TENM3: variants seen among roughly 807,000 people sequenced by gnomAD.
The protein encoded by TENM3 is teneurin-3.
TENM3 carries 63 observed loss-of-function variants against 255.1 expected under a neutral mutation model. The ratio of observed to expected loss-of-function variants is 0.25; its 90% confidence interval spans 0.20 to 0.30. TENM3 has a LOEUF of 0.30. Among genes scored for constraint, TENM3 ranks in the 10% least tolerant of loss-of-function variants. TENM3 has a pLI of 1.00. For synonymous variants in TENM3, 1,306 were observed against 1,322.3 expected (o/e 0.99, Z 0.27); for missense variants, 2,929 against 3,461.1 (o/e 0.85, Z 3.86).
the TENM3 span, among the ~76,000 whole-genome samples, chr4:181,633,912 A>G: frequency 1.3e-5 from 2 of 152,164 alleles, no homozygotes; most frequent in Non-Finnish European, 2.9e-5. Flanking sequence ...GCAATATGCC[A>G]TTTTTTATTT....
At chr4:182,225,955 T>A (rs1045517425) in intron 1 of TENM3, among the ~76,000 whole-genome samples, 14 of 152,174 alleles carry the variant, frequency 9.2e-5, no homozygotes, top group African/African-American at 3.4e-4. Flanking sequence ...AATGGAGACC[T>A]TGAAATATCA....
intron 1 of TENM3, among the ~76,000 whole-genome samples, chr4:182,234,429 G>T (rs1012283555): frequency 6.6e-6 from 1 of 152,150 alleles, no homozygotes; most frequent in African/African-American, 2.4e-5. Flanking sequence ...AAATGCTACA[G>T]TTAGAAATAG....
At chr4:181,468,966 G>A in the TENM3 span, among the ~76,000 whole-genome samples, 2 of 152,146 alleles carry the variant, frequency 1.3e-5, no homozygotes, top group Non-Finnish European at 2.9e-5. Flanking sequence ...ATATCAGTTT[G>A]TAAATGTAAG....
At chr4:181,571,887 T>C in the TENM3 span, among the ~76,000 whole-genome samples, 2 of 152,166 alleles carry the variant, frequency 1.3e-5, no homozygotes, top group Non-Finnish European at 2.9e-5. Context: ...TATCTATTAA[T>C]GTCATCTTCT....
At chr4:182,286,089 G>A (rs1760711694) in intron 1 of TENM3, among the ~76,000 whole-genome samples, 1 of 152,110 alleles carries the variant, frequency 6.6e-6, no homozygotes, top group African/African-American at 2.4e-5. Flanking sequence ...CTGGTTGGCA[G>A]CTGGCCTCAC....
At chr4:181,854,879 G>A in the TENM3 span, among the ~76,000 whole-genome samples, 1 of 152,176 alleles carries the variant, frequency 6.6e-6, no homozygotes, top group Non-Finnish European at 1.5e-5. Flanking sequence ...TAATAATAGA[G>A]ACTACAGAGT....
At chr4:182,363,420 T>C (rs1766177838) in intron 3 of TENM3, among the ~76,000 whole-genome samples, 2 of 151,832 alleles carry the variant, frequency 1.3e-5, no homozygotes, top group Admixed American at 1.3e-4. Context: ...TATATGTACA[T>C]ATATACATAT....
At chr4:182,407,970 T>C (rs577943534) in intron 3 of TENM3, among the ~76,000 whole-genome samples, 1 of 152,356 alleles carries the variant, frequency 6.6e-6, no homozygotes, top group African/African-American at 2.4e-5. Context: ...AGATTTTATG[T>C]TTATTCCAAA....
chr4:182,620,292 A>G (rs761184978), intron 4 of TENM3, among the ~76,000 whole-genome samples: 3 of 152,208 alleles, frequency 2.0e-5, no homozygotes, highest in Admixed American at 6.5e-5. Flanking sequence ...TCCTAAACAT[A>G]AAGTAACCAT....
At chr4:182,089,482 A>G in the TENM3 span, among the ~76,000 whole-genome samples, 1 of 152,156 alleles carries the variant, frequency 6.6e-6, no homozygotes, top group African/African-American at 2.4e-5. Context: ...AAATCAACCA[A>G]AAAATCAATT....
intron 1 of TENM3, among the ~76,000 whole-genome samples, chr4:182,157,974 T>G (rs1750826893): frequency 1.3e-5 from 2 of 152,244 alleles, no homozygotes; most frequent in Non-Finnish European, 2.9e-5. Flanking sequence ...TTGTCCTTTT[T>G]TTCCCCATTT....
At chr4:181,592,734 A>T in the TENM3 span, among the ~76,000 whole-genome samples, 12 of 149,502 alleles carry the variant, frequency 8.0e-5, no homozygotes, top group African/African-American at 2.7e-4. Context: ...AAACTTTTCA[A>T]TGTGGAGGAA....
At chr4:182,402,840 AGCCCT>A (rs890557604) in intron 3 of TENM3, among the ~76,000 whole-genome samples, 4 of 152,246 alleles carry the variant, frequency 2.6e-5, no homozygotes, top group African/African-American at 9.6e-5. Flanking sequence ...AAGACAACTA[AGCCCT>A]AAAATAGGAG....
the TENM3 span, among the ~76,000 whole-genome samples, chr4:182,078,001 T>A: frequency 6.6e-6 from 1 of 152,086 alleles, no homozygotes; most frequent in African/African-American, 2.4e-5. Flanking sequence ...AAAACTGGTA[T>A]CGTTCCAGCA....
intron 3 of TENM3, among the ~76,000 whole-genome samples, chr4:182,419,708 T>C (rs889052555): frequency 9.9e-5 from 15 of 152,144 alleles, no homozygotes; most frequent in African/African-American, 1.4e-4. Flanking sequence ...GAATGAGTTC[T>C]TGTCCTTTGT....
At chr4:182,358,208 T>A (rs1485341573) in intron 3 of TENM3, among the ~76,000 whole-genome samples, 141 of 149,266 alleles carry the variant, frequency 9.4e-4, no homozygotes, top group Non-Finnish European at 1.6e-3. Flanking sequence ...CGGGCTCTTT[T>A]TTGGTTCCAT....
At chr4:181,972,243 A>G in the TENM3 span, among the ~76,000 whole-genome samples, 10 of 151,812 alleles carry the variant, frequency 6.6e-5, no homozygotes, top group Non-Finnish European at 1.5e-4. Context: ...GCAGCAAGAT[A>G]AAGCCCCGTC....
chr4:182,432,761 C>T (rs13115590), intron 3 of TENM3, among the ~76,000 whole-genome samples: 89,152 of 151,780 alleles, frequency 0.59, 26,746 homozygotes, highest in East Asian at 0.77. Flanking sequence ...AAGGATCTTA[C>T]AGGCCCTACT....
the TENM3 span, among the ~76,000 whole-genome samples, chr4:182,103,769 A>G: frequency 1.1e-4 from 16 of 152,220 alleles, no homozygotes; most frequent in Non-Finnish European, 2.4e-4. Context: ...AATAATGGTT[A>G]TAAGACTACT....
Sources: gnomAD v4.1 joint callset for allele counts (sites outside exome capture counted in the v4.1 genomes callset) on GRCh38, gnomAD v4.1.1 for gene constraint, MANE v1.5 for transcripts, NCBI Gene and HGNC (gene_info 2026-07-23, HGNC 2026-07-21) for gene names.